MACROD2: variants seen among roughly 807,000 people sequenced by gnomAD.
The protein encoded by MACROD2 is ADP-ribose glycohydrolase MACROD2.
A neutral mutation model predicts 70.4 loss-of-function variants in MACROD2; 36 were observed. That is an observed-to-expected ratio of 0.51 (90% CI 0.39 to 0.68). The LOEUF is 0.68. Among genes scored for constraint, MACROD2 ranks in the 30% least tolerant of loss-of-function variants. MACROD2 has a pLI of 0.00. For missense variants in MACROD2, 496 were observed against 538.4 expected, an observed-to-expected ratio of 0.92 and a Z score of 0.78; for synonymous variants, 172 against 178.8, an observed-to-expected ratio of 0.96 and a Z score of 0.30.
chr20:15,727,747 G>T (rs2050886055), intron 8 of MACROD2, among the ~76,000 whole-genome samples: 1 of 151,986 alleles, frequency 6.6e-6, no homozygotes, highest in Middle Eastern at 3.2e-3. Context: ...CTTGCATGTT[G>T]TTGGTATATA....
chr20:15,585,584 C>A (rs1249312761), intron 8 of MACROD2, among the ~76,000 whole-genome samples: 1 of 152,128 alleles, frequency 6.6e-6, no homozygotes, highest in Non-Finnish European at 1.5e-5. Context: ...CATCCAGTGA[C>A]TCTCTGAATA....
chr20:15,578,185 T>C (rs1439497970), intron 8 of MACROD2, among the ~76,000 whole-genome samples: 1 of 152,150 alleles, frequency 6.6e-6, no homozygotes, highest in African/African-American at 2.4e-5. Context: ...CACAGGTAAA[T>C]AGACACAATA....
At chr20:14,791,576 C>A (rs2072451600) in intron 5 of MACROD2, among the ~76,000 whole-genome samples, 3 of 152,044 alleles carry the variant, frequency 2.0e-5, no homozygotes, top group South Asian at 4.1e-4. Context: ...AGAAAATGGA[C>A]AAAATAGCTA....
intron 3 of MACROD2, among the ~76,000 whole-genome samples, chr20:14,262,642 G>A (rs904629731): frequency 1.3e-4 from 20 of 152,286 alleles, no homozygotes; most frequent in African/African-American, 2.6e-4. Flanking sequence ...CTTTGGGTAG[G>A]TGAAAGAACA....
At chr20:14,072,505 G>C (rs2053859838) in intron 2 of MACROD2, among the ~76,000 whole-genome samples, 1 of 152,010 alleles carries the variant, frequency 6.6e-6, no homozygotes, top group African/African-American at 2.4e-5. Flanking sequence ...CTTACCAGCT[G>C]TGTGTACTTG....
At chr20:14,481,350 C>T (rs2084661250) in intron 3 of MACROD2, among the ~76,000 whole-genome samples, 1 of 151,950 alleles carries the variant, frequency 6.6e-6, no homozygotes, top group Non-Finnish European at 1.5e-5. Context: ...CAAAATTTGG[C>T]TAAGGTTATC....
At chr20:15,254,077 A>C (rs1488954488) in intron 6 of MACROD2, among the ~76,000 whole-genome samples, 1 of 152,114 alleles carries the variant, frequency 6.6e-6, no homozygotes, top group East Asian at 1.9e-4. Flanking sequence ...GTTAGTTCCA[A>C]CTTAGGGGAC....
intron 4 of MACROD2, among the ~76,000 whole-genome samples, chr20:14,497,523 C>T (rs956560701): frequency 1.3e-5 from 2 of 151,720 alleles, no homozygotes; most frequent in East Asian, 3.9e-4. Context: ...TTTACGGTCT[C>T]TTACTTTAGA....
chr20:14,949,291 A>G (rs1445515909), intron 5 of MACROD2, among the ~76,000 whole-genome samples: 3 of 152,196 alleles, frequency 2.0e-5, no homozygotes, highest in South Asian at 2.1e-4. Context: ...GTTTAACTCT[A>G]AAGTTCAGCA....
chr20:15,275,638 G>A (rs1321077456), intron 6 of MACROD2, among the ~76,000 whole-genome samples: 2 of 152,214 alleles, frequency 1.3e-5, no homozygotes, highest in Admixed American at 6.5e-5. Flanking sequence ...TAGGTGGAAT[G>A]CAAGCACAGA....
intron 8 of MACROD2, among the ~76,000 whole-genome samples, chr20:15,729,370 G>T (rs1324838439): frequency 1.3e-5 from 2 of 152,128 alleles, no homozygotes; most frequent in Non-Finnish European, 2.9e-5. Flanking sequence ...TGTTCTTTTG[G>T]GGTGGAGAGT....
At chr20:15,197,651 TA>T (rs2076617511) in intron 5 of MACROD2, among the ~76,000 whole-genome samples, 1 of 152,158 alleles carries the variant, frequency 6.6e-6, no homozygotes. Context: ...AGTTTTTTGA[TA>T]TTTACTTTTT....
At chr20:15,984,644 C>A (rs970528073) in intron 13 of MACROD2, among the ~76,000 whole-genome samples, 11 of 151,012 alleles carry the variant, frequency 7.3e-5, no homozygotes, top group Non-Finnish European at 1.6e-4. Context: ...CCCCCCCGCC[C>A]TTCTCTTTTT....
At chr20:14,520,475 A>T (rs1432040787) in intron 4 of MACROD2, among the ~76,000 whole-genome samples, 1 of 85,082 alleles carries the variant, frequency 1.2e-5, no homozygotes, top group African/African-American at 4.4e-5. Context: ...TCACTGTTTG[A>T]GGTTTTTTTT....
At chr20:15,803,642 T>C (rs1407209905) in intron 8 of MACROD2, among the ~76,000 whole-genome samples, 2 of 152,154 alleles carry the variant, frequency 1.3e-5, no homozygotes, top group East Asian at 3.9e-4. Context: ...GATGCTATTG[T>C]CTCTACTGTT....
At chr20:14,167,243 A>T (rs1208762288) in intron 3 of MACROD2, among the ~76,000 whole-genome samples, 1 of 151,980 alleles carries the variant, frequency 6.6e-6, no homozygotes, top group Admixed American at 6.6e-5. Context: ...TGACAGTGTG[A>T]CATTTTCTAT....
intron 5 of MACROD2, among the ~76,000 whole-genome samples, chr20:15,178,419 G>A (rs2076477383): frequency 6.6e-6 from 1 of 152,198 alleles, no homozygotes; most frequent in Admixed American, 6.5e-5. Context: ...ATTATTCTGT[G>A]TGGTTATGAC....
At chr20:14,262,910 A>G (rs1456317207) in intron 3 of MACROD2, among the ~76,000 whole-genome samples, 17 of 152,170 alleles carry the variant, frequency 1.1e-4, no homozygotes, top group Admixed American at 6.5e-4. Flanking sequence ...AAATAAAAGA[A>G]AAGAGTGATA....
chr20:15,343,312 C>T (rs991579052), intron 6 of MACROD2, among the ~76,000 whole-genome samples: 7 of 152,206 alleles, frequency 4.6e-5, no homozygotes, highest in Non-Finnish European at 8.8e-5. Flanking sequence ...AAAGTGCCTA[C>T]TGCAAGCATT....
Sources: allele counts gnomAD v4.1 joint callset (sites outside exome capture counted in the v4.1 genomes callset), GRCh38; gene constraint gnomAD v4.1.1; transcripts MANE v1.5; gene names NCBI Gene and HGNC (gene_info 2026-07-23, HGNC 2026-07-21).